Variants in AOC1 observed in about 807,000 individuals in gnomAD.
AOC1 encodes amine oxidase copper containing 1, also known as diamine oxidase [copper-containing].
In AOC1, 58 loss-of-function variants were observed where a neutral mutation model predicts 57.1. The observed-to-expected ratio is 1.02, with a 90% CI of 0.82 to 1.26. The LOEUF (loss-of-function observed/expected upper bound fraction) is 1.26, where lower values mean the gene tolerates loss of function less well. Ranked by LOEUF, AOC1 falls within the 50% of genes most tolerant of loss-of-function variation. AOC1 has a pLI of 0.00. For synonymous variants in AOC1, 401 were observed against 423.4 expected (o/e 0.95, Z 0.65); for missense variants, 917 against 1,005.3 (o/e 0.91, Z 1.19).
rs1368890538 is a variant in AOC1 at position 150,857,653 on chromosome 7, G to T, written c.1183G>T (p.Ala395Ser). 1 of 1,614,048 alleles carries T rather than the reference G, an allele frequency of 6.2e-7. No homozygotes were observed. Among genetic ancestry groups the T allele is most frequent in the Admixed American group, 1.7e-5 (1 of 60,034 alleles). Residue 395 changes from alanine (A) to serine (S), a missense_variant, in exon 2 of 5, where the codon GCC becomes TCC. Coordinates refer to ENST00000360937, the MANE Select transcript of AOC1 (RefSeq NM_001091.4). This position sits in a 1 kb window ranked among gnomAD's most constrained non-coding sequence, Gnocchi z 6.6. ...CCCCGGCATCGACTGCCCGGAGACC[G>T]CCACCTTCCTGGACACTTTCCACTA... The part of the protein sequence containing the change: ...LAPGIDCPET[A>S]TFLDTFHYYD...
chr7:150,857,597 G>C lies in AOC1; in HGVS notation c.1127G>C (p.Trp376Ser), dbSNP rs1462602944. Reference protein sequence around the residue: ...GMQTKYLDVGWGLGSVTHELA... With the variant: ...GMQTKYLDVGSGLGSVTHELA... ...CAGACCAAGTACCTCGATGTCGGCT[G>C]GGGCCTGGGCAGCGTCACTCATGAG... Residue 376 changes from tryptophan (W) to serine (S), a missense_variant, in exon 2 of 5, where the codon TGG becomes TCG. Transcript: ENST00000360937. This position sits in a 1 kb window ranked among gnomAD's most constrained non-coding sequence, Gnocchi z 6.6. The C allele has an allele frequency of 6.2e-7, 1 of 1,613,982 alleles. No individual in the cohort carries two copies. The highest frequency in any genetic ancestry group is 8.5e-7 in the Non-Finnish European group (1 of 1,179,990).
chr7:150,857,002 C>T lies in AOC1; in HGVS notation c.532C>T (p.His178Tyr), dbSNP rs766973083. The T allele has an allele frequency of 7.4e-6, 12 of 1,614,196 alleles. No homozygotes were observed. The South Asian group carries it at 1.1e-4, about 15-fold the overall frequency. ...CACAGGCTTCTCATTCCAAGACTGC[C>T]ATGACAGATGCCTGGCCTTCACCGA... ...NTTGFSFQDC[H>Y]DRCLAFTDVA... Residue 178 changes from histidine to tyrosine, a missense_variant, in exon 2 of 5, where the codon CAT becomes TAT. Physicochemically the swap from His to Tyr is moderately conservative, Grantham distance 83. Transcript: ENST00000360937. This position sits in a 1 kb window ranked among gnomAD's most constrained non-coding sequence, Gnocchi z 6.6.
In AOC1 at chr7:150,857,602, C is replaced by G; in HGVS notation, c.1132C>G (p.Leu378Val). Residue 378 changes from leucine to valine, a missense_variant, in exon 2 of 5, where the codon CTG becomes GTG. Transcript: ENST00000360937. The surrounding 1 kb of genome is among the most constrained non-coding windows in gnomAD (Gnocchi z 6.6). ...QTKYLDVGWGLGSVTHELAPG... is the reference protein window; with the variant it reads ...QTKYLDVGWGVGSVTHELAPG... ...CAAGTACCTCGATGTCGGCTGGGGC[C>G]TGGGCAGCGTCACTCATGAGTTAGC... is the stretch of plus-strand genomic sequence containing the variant. The G allele has an allele frequency of 6.2e-7, 1 of 1,614,012 alleles. No homozygotes were observed. Among genetic ancestry groups the G allele is most frequent in the Non-Finnish European group, 8.5e-7 (1 of 1,179,998 alleles).
In AOC1 at chr7:150,858,990, A is replaced by C. The variant is rs764738237; in HGVS notation, c.1798A>C (p.Met600Leu). 1.9e-6 allele frequency: 3 copies of C among 1,598,040 alleles called. No individual in the cohort carries two copies. The South Asian group carries it at 3.3e-5, about 18-fold the overall frequency. The part of the protein sequence containing the change: ...KRTYRLQIHS[M>L]ADQVLPPGWQ... ...CACGTACCGCCTGCAGATCCACTCC[A>C]TGGCCGACCAGGTGCTGCCCCCAGG... The change falls in exon 3 of 5, where the codon ATG becomes CTG. Residue 600 changes from methionine to leucine, a missense_variant. Transcript: ENST00000360937.
Position 150,852,664 on chromosome 7 carries a change from G to A in AOC1, c.-17+106G>A, listed in dbSNP as rs1261590158. 3 of 153,148 alleles carry A rather than the reference G, an allele frequency of 2.0e-5. No homozygotes were observed. The highest frequency in any genetic ancestry group is 4.4e-5 in the Non-Finnish European group (3 of 68,546). 9.5% of individuals were successfully genotyped at this position (153,148 alleles called of 1,614,324 possible). ...TGAGGGGCAGAAGAAACAGGACACA[G>A]AGGGAGGAGGGCCAGGAAGTGAGGG... On this transcript the variant is annotated intron_variant, in intron 1 of 4. Transcript: ENST00000360937. The surrounding 1 kb of genome is among the most constrained non-coding windows in gnomAD (Gnocchi z 4.6).
Position 150,861,374 on chromosome 7 carries a change from A to G in AOC1, c.*165A>G, listed in dbSNP as rs1584807187. ...CAGACGTGCACACACACAGACGTGCACACACACACAGACATGCACACACAC... is the reference window on the plus strand; with the variant it reads ...CAGACGTGCACACACACAGACGTGCGCACACACACAGACATGCACACACAC... On this transcript the variant is annotated 3_prime_UTR_variant, in exon 5 of 5. Transcript: ENST00000360937. This position sits in a 1 kb window ranked among gnomAD's most constrained non-coding sequence, Gnocchi z 4.5. 2.8e-6 allele frequency: 2 copies of G among 703,070 alleles called. No individual in the cohort carries two copies. Among genetic ancestry groups the G allele is most frequent in the Non-Finnish European group, 4.5e-6 (2 of 447,060 alleles). 43.6% of individuals were successfully genotyped at this position (703,070 alleles called of 1,614,324 possible).
intron 1 of AOC1, among the ~76,000 whole-genome samples, chr7:150,853,427 C>T (rs1799676458): frequency 6.6e-6 from 1 of 151,638 alleles, no homozygotes; most frequent in African/African-American, 2.4e-5. Context: ...TAAAAGACTC[C>T]TATTTAAAAG....
Position 150,860,930 on chromosome 7 carries a change from C to T in AOC1, c.1990-13C>T, listed in dbSNP as rs762129346. 3.1e-6 allele frequency: 5 copies of T among 1,607,026 alleles called. No homozygotes were observed. The highest frequency in any genetic ancestry group is 1.7e-4 in the Middle Eastern group (1 of 6,032). ...TCAGCCCTGCCCACTGAAGCCCACC[C>T]TGTCTCCTGCAGGACCTGGTGGCCT... On this transcript the variant is annotated splice_polypyrimidine_tract_variant and intron_variant, in intron 4 of 4. Coordinates refer to ENST00000360937, the MANE Select transcript of AOC1 (RefSeq NM_001091.4).
Position 150,860,485 on chromosome 7 carries a change from C to T in AOC1, c.1857-16C>T, listed in dbSNP as rs770238162. 2.3e-5 allele frequency: 37 copies of T among 1,613,688 alleles called. No individual in the cohort carries two copies. Among genetic ancestry groups the T allele is most frequent in the African/African-American group, 2.7e-5 (2 of 74,920 alleles). The stretch of plus-strand genomic sequence containing the variant: ...CCCAGGGCCCTGAGCCAAGCTGCTT[C>T]GCCTGTGCCTGGCAGGTACCCCCTG... On this transcript the variant is annotated splice_polypyrimidine_tract_variant and intron_variant, in intron 3 of 4. Coordinates refer to ENST00000360937, the MANE Select transcript of AOC1 (RefSeq NM_001091.4).
intron 1 of AOC1, among the ~76,000 whole-genome samples, chr7:150,853,701 ATT>A (rs1362140721): frequency 7.9e-5 from 11 of 139,216 alleles, no homozygotes; most frequent in African/African-American, 1.1e-4. Context: ...ATATATATTT[ATT>A]TATTTATTTA....
In AOC1 at chr7:150,857,293, A is replaced by G. The variant is rs890280599; in HGVS notation, c.823A>G (p.Ser275Gly). ...DPLPGGKGHD[S>G]TEEPPLFSSH... ...GCTGCCTGGGGGCAAGGGGCATGAC[A>G]GCACAGAGGAGCCGCCCCTCTTCTC... The change falls in exon 2 of 5, where the codon AGC becomes GGC. Residue 275 changes from serine (S) to glycine (G), a missense_variant. Physicochemically the swap from Ser to Gly is moderately conservative, Grantham distance 56 (BLOSUM62 0). Transcript: ENST00000360937. This position sits in a 1 kb window ranked among gnomAD's most constrained non-coding sequence, Gnocchi z 6.6. The G allele has an allele frequency of 6.9e-6, 11 of 1,599,914 alleles. No individual in the cohort carries two copies. Among genetic ancestry groups the G allele is most frequent in the Non-Finnish European group, 9.4e-6 (11 of 1,172,050 alleles).
intron 1 of AOC1, among the ~76,000 whole-genome samples, chr7:150,853,460 T>C (rs981042933): frequency 2.0e-5 from 3 of 152,084 alleles, no homozygotes; most frequent in Non-Finnish European, 4.4e-5. Flanking sequence ...TTTATAAAGT[T>C]TGTTAAAAGA....
intron 1 of AOC1, among the ~76,000 whole-genome samples, chr7:150,853,683 ATATATATATATATATT>A (rs1461084047): frequency 4.3e-5 from 3 of 69,710 alleles, no homozygotes; most frequent in Non-Finnish European, 2.9e-5. Flanking sequence ...ATATATATAT[ATATATATATATATATT>A]TATTTATTTA....
rs985863875 is a variant in AOC1, at chr7:150,852,952, A to G, written c.-17+394A>G. Among the ~76,000 whole-genome samples the G allele has an allele frequency of 6.6e-6, 1 of 152,184 alleles. No homozygotes were observed. Among genetic ancestry groups the G allele is most frequent in the Non-Finnish European group, 1.5e-5 (1 of 68,044 alleles). On this transcript the variant is annotated intron_variant, in intron 1 of 4. Transcript: ENST00000360937. This position sits in a 1 kb window ranked among gnomAD's most constrained non-coding sequence, Gnocchi z 4.6. ...GAAACGTGGGTATAAGAGGTTGTAA[A>G]AAAGGAGACCCAGCCGTGAAAGGAC...
chr7:150,854,678 ACGCTTGTG>A (rs1799722278), intron 1 of AOC1, among the ~76,000 whole-genome samples: 1 of 152,204 alleles, frequency 6.6e-6, no homozygotes, highest in South Asian at 2.1e-4. Context: ...TGTGTTCCCA[ACGCTTGTG>A]CTTCGGAAAT....
intron 2 of AOC1, 84 bp downstream of exon 2, chr7:150,858,124 C>T: frequency 1.4e-6 from 2 of 1,463,206 alleles, no homozygotes; most frequent in Non-Finnish European, 1.8e-6. Context: ...ACTATAACTC[C>T]CTGGTGGTGG....
Position 150,860,503 on chromosome 7 carries a change from AC to A in AOC1, c.1864del (p.Leu622TrpfsTer3). 1 of 1,613,806 alleles carries A rather than the reference AC, an allele frequency of 6.2e-7. No homozygotes were observed. Among genetic ancestry groups the A allele is most frequent in the South Asian group, 1.1e-5 (1 of 91,068 alleles). The part of the protein sequence containing the change: ...QEEQAITWAR[Y>X]PLAVTKYRES... ...GCTGCTTCGCCTGTGCCTGGCAGGT[AC>A]CCCCTGGCAGTGACCAAGTACCGGG... On this transcript the variant is annotated frameshift_variant, in exon 4 of 5. Transcript: ENST00000360937. LOFTEE classifies it high-confidence loss of function.
At position 150,856,389 on chromosome 7, in the gene AOC1, C is replaced by T; in HGVS notation, c.-16-66C>T. ...CAGTCCATGGGAAAATTCCATGGCC[C>T]TAACCTGAGGGAAGCCCATCTCTGC... On this transcript the variant is annotated intron_variant, in intron 1 of 4. Coordinates refer to ENST00000360937, the MANE Select transcript of AOC1 (RefSeq NM_001091.4). This position sits in a 1 kb window ranked among gnomAD's most constrained non-coding sequence, Gnocchi z 5.2. The T allele has an allele frequency of 6.6e-7, 1 of 1,511,534 alleles. No individual in the cohort carries two copies. Among genetic ancestry groups the T allele is most frequent in the South Asian group, 1.3e-5 (1 of 76,098 alleles). 93.6% of individuals were successfully genotyped at this position (1,511,534 alleles called of 1,614,324 possible). A position where few individuals can be genotyped will look rare whatever the true frequency, so the allele number is the denominator to read the frequency against.
At position 150,856,503 on chromosome 7, in the gene AOC1, C is replaced by T. The variant is rs377703686; in HGVS notation, c.33C>T (p.Ile11=). The change falls in exon 2 of 5, where the codon ATC becomes ATT. Residue 11 remains isoleucine, a synonymous_variant. Coordinates refer to ENST00000360937, the MANE Select transcript of AOC1 (RefSeq NM_001091.4). This position sits in a 1 kb window ranked among gnomAD's most constrained non-coding sequence, Gnocchi z 5.2. MPALGWAVAA[I]LMLQTAMAEP... ...CCCTGGGCTGGGCCGTGGCTGCCAT[C>T]CTGATGCTGCAGACGGCCATGGCGG... 1.9e-6 allele frequency: 3 copies of T among 1,613,808 alleles called. No individual in the cohort carries two copies. The African/African-American group carries it at 4.0e-5, about 22-fold the overall frequency.
Sources: gnomAD v4.1 joint callset for allele counts (sites outside exome capture counted in the v4.1 genomes callset) on GRCh38, gnomAD v4.1.1 for gene constraint, Gnocchi (gnomAD v3.1) non-coding constraint, MANE v1.5 for transcripts, NCBI Gene and HGNC (gene_info 2026-07-23, HGNC 2026-07-21) for gene names.